The following RALGAPB variants were observed in gnomAD, a reference collection of about 807,000 sequenced individuals.
RALGAPB encodes the protein Ral GTPase activating protein non-catalytic subunit beta, also known as ral GTPase-activating protein subunit beta.
A neutral mutation model predicts 161.1 loss-of-function variants in RALGAPB; 25 were observed. The observed-to-expected ratio is 0.16, with a 90% CI of 0.11 to 0.22. The LOEUF is 0.22. Ranked by LOEUF, RALGAPB falls within the 10% of genes least tolerant of loss-of-function variation. RALGAPB has a pLI of 1.00. For synonymous variants in RALGAPB, 629 were observed against 626.1 expected (o/e 1.00, Z -0.07); for missense variants, 1,391 against 1,815.2 (o/e 0.77, Z 4.25).
chr20:38,567,118 C>T lies in RALGAPB; in HGVS notation c.3840C>T (p.Ile1280=), dbSNP rs553284807. 1 of 1,613,372 alleles carries T rather than the reference C, an allele frequency of 6.2e-7. No homozygotes were observed. Among genetic ancestry groups the T allele is most frequent in the Middle Eastern group, 1.7e-4 (1 of 6,052 alleles). Residue 1280 remains isoleucine, a synonymous_variant, in exon 26 of 30, where the codon ATC becomes ATT. Coordinates refer to ENST00000262879, the MANE Select transcript of RALGAPB (RefSeq NM_020336.4). Reference sequence around the variant, plus strand: ...TAGCTGATTCATTGGAAAGTAACATCTCGGACCAAGATAGTGATTCAAATA... The same window carrying T: ...TAGCTGATTCATTGGAAAGTAACATTTCGGACCAAGATAGTGATTCAAATA... ...ESLTDSLESN[I]SDQDSDSNMD...
chr20:38,517,845 G>T lies in RALGAPB; in HGVS notation c.1262G>T (p.Ser421Ile), dbSNP rs1173749872. Residue 421 changes from serine (S) to isoleucine (I), a missense_variant, in exon 9 of 30, where the codon AGT becomes ATT. Coordinates refer to ENST00000262879, the MANE Select transcript of RALGAPB (RefSeq NM_020336.4). ...ACGTCCTCCACCTCTCCTCTGTCAAGTCCAAATCAGACTAGTTCAGAACCC... is the reference window on the plus strand; with the variant it reads ...ACGTCCTCCACCTCTCCTCTGTCAATTCCAAATCAGACTAGTTCAGAACCC... ...HQTSSTSPLS[S>I]PNQTSSEPRP... The T allele has an allele frequency of 6.2e-7, 1 of 1,613,996 alleles. No homozygotes were observed. The highest frequency in any genetic ancestry group is 8.5e-7 in the Non-Finnish European group (1 of 1,179,942).
At position 38,521,637 on chromosome 20, in the gene RALGAPB, C is replaced by G. The variant is rs2086294235; in HGVS notation, c.1558C>G (p.Leu520Val). ...EAGRAEACGT[L>V]CRIFCSKKTG... ...AGGAAGAGCTGAGGCTTGTGGGACA[C>G]TGTGTAGGATTTTTTGTAGCAAGAA... The change falls in exon 10 of 30, where the codon CTG becomes GTG. Residue 520 changes from leucine to valine, a missense_variant. By Grantham distance (32) the Leu-to-Val change is conservative. This residue lies in a region of RALGAPB where 946 missense variants were observed against 1,257.2 expected (regional missense o/e 0.75). Transcript: ENST00000262879. The G allele has an allele frequency of 1.7e-5, 27 of 1,614,164 alleles. No individual in the cohort carries two copies. The East Asian group carries it at 6.0e-4, about 36-fold the overall frequency.
At chr20:38,497,647 C>A in intron 4 of RALGAPB, 131 bp downstream of exon 4, 3 of 979,198 alleles carry the variant, frequency 3.1e-6, no homozygotes, top group Non-Finnish European at 4.5e-6. Flanking sequence ...GTTAACAGTT[C>A]TTAGAATGGA....
intron 6 of RALGAPB, among the ~76,000 whole-genome samples, chr20:38,510,926 A>AT (rs1468145619): frequency 8.4e-6 from 1 of 119,630 alleles, no homozygotes; most frequent in Non-Finnish European, 1.5e-5. Flanking sequence ...AAAAAAAAAA[A>AT]GAAAATCTTT....
At chr20:38,550,427 T>C (rs1056684418) in intron 20 of RALGAPB, among the ~76,000 whole-genome samples, 8 of 152,206 alleles carry the variant, frequency 5.3e-5, no homozygotes, top group Admixed American at 5.2e-4. Context: ...ATGTGATGTG[T>C]TTATCACCCA....
Position 38,525,441 on chromosome 20 carries a change from G to C in RALGAPB, c.1825G>C (p.Glu609Gln), listed in dbSNP as rs762094168. 1.2e-6 allele frequency: 2 copies of C among 1,601,382 alleles called. No individual in the cohort carries two copies. The highest frequency in any genetic ancestry group is 1.8e-5 in the Admixed American group (1 of 56,340). Residue 609 changes from glutamate (E) to glutamine (Q), a missense_variant, in exon 12 of 30, where the codon GAA becomes CAA. By Grantham distance (29) the Glu-to-Gln change is conservative. Transcript: ENST00000262879. Reference protein sequence around the residue: ...SKFKSYVNPTELRRSSINILL... With the variant: ...SKFKSYVNPTQLRRSSINILL... ...ATTCAAAAGCTATGTAAATCCAACA[G>C]AATTGCGAAGATCCTCCATTAATAT...
chr20:38,474,568 T>C (rs2084750716), intron 1 of RALGAPB, among the ~76,000 whole-genome samples: 1 of 152,194 alleles, frequency 6.6e-6, no homozygotes, highest in Non-Finnish European at 1.5e-5. Context: ...TGCGAGCCAC[T>C]GTGCCAGGCC....
At chr20:38,528,712 G>A (rs1402445957) in intron 13 of RALGAPB, among the ~76,000 whole-genome samples, 1 of 151,310 alleles carries the variant, frequency 6.6e-6, no homozygotes, top group Non-Finnish European at 1.5e-5. Flanking sequence ...ATGGAGTCTC[G>A]CTGTGTCACC....
chr20:38,533,387 A>G (rs573040354), intron 15 of RALGAPB, among the ~76,000 whole-genome samples: 73 of 152,320 alleles, frequency 4.8e-4, no homozygotes, highest in African/African-American at 1.6e-3. Flanking sequence ...CAAGCATCCT[A>G]TACAAGGTTG....
chr20:38,533,717 C>G (rs987807667), intron 15 of RALGAPB, among the ~76,000 whole-genome samples: 4 of 152,160 alleles, frequency 2.6e-5, no homozygotes, highest in Non-Finnish European at 5.9e-5. Flanking sequence ...GGATATTTGA[C>G]ACATTTAAAT....
chr20:38,540,796 GTTGAA>G (rs1325097935), intron 17 of RALGAPB, among the ~76,000 whole-genome samples: 1 of 152,116 alleles, frequency 6.6e-6, no homozygotes, highest in East Asian at 1.9e-4. Context: ...TCACAAGAAA[GTTGAA>G]TTGAATTTAT....
chr20:38,504,805 G>A (rs983620088), intron 5 of RALGAPB, among the ~76,000 whole-genome samples: 2 of 152,078 alleles, frequency 1.3e-5, no homozygotes, highest in Admixed American at 1.3e-4. Flanking sequence ...CATATAAGTG[G>A]CCAAGAAACA....
At chr20:38,539,372 G>A (rs1391468778) in intron 16 of RALGAPB, among the ~76,000 whole-genome samples, 1 of 152,152 alleles carries the variant, frequency 6.6e-6, no homozygotes, top group Non-Finnish European at 1.5e-5. Context: ...TTGTATACTT[G>A]AAATATTGGG....
intron 14 of RALGAPB, among the ~76,000 whole-genome samples, chr20:38,532,168 G>T (rs1295848005): frequency 2.6e-5 from 4 of 152,142 alleles, no homozygotes. Flanking sequence ...CCATTCTTCT[G>T]CCTCAGCCTC....
intron 20 of RALGAPB, among the ~76,000 whole-genome samples, chr20:38,549,667 TTATGTG>T: frequency 6.6e-6 from 1 of 151,956 alleles, no homozygotes; most frequent in Non-Finnish European, 1.5e-5. Context: ...ACATTTGTAA[TTATGTG>T]AATAATACTT....
Position 38,558,324 on chromosome 20 carries a change from C to T in RALGAPB, c.3402C>T (p.His1134=). 1.3e-6 allele frequency: 2 copies of T among 1,593,546 alleles called. No individual in the cohort carries two copies. The highest frequency in any genetic ancestry group is 8.6e-7 in the Non-Finnish European group (1 of 1,168,712). ...KEPANSRLPP[H]LIALDSTIPG... ...CTGCAAATAGTCGTCTACCTCCTCA[C>T]CTTATTGCACTTGATTCCACGATAC... is the stretch of plus-strand genomic sequence containing the variant. Residue 1134 remains histidine (H), a synonymous_variant, in exon 23 of 30, where the codon CAC becomes CAT. Coordinates refer to ENST00000262879, the MANE Select transcript of RALGAPB (RefSeq NM_020336.4).
At chr20:38,529,526 A>T (rs1426951633) in intron 13 of RALGAPB, among the ~76,000 whole-genome samples, 5 of 151,534 alleles carry the variant, frequency 3.3e-5, no homozygotes, top group Non-Finnish European at 5.9e-5. Context: ...TCAAAAAAAA[A>T]AAATAAAATA....
At chr20:38,523,644 T>C (rs1305279050) in intron 10 of RALGAPB, among the ~76,000 whole-genome samples, 2 of 152,116 alleles carry the variant, frequency 1.3e-5, no homozygotes, top group African/African-American at 4.8e-5. Context: ...CCAGTAAGCT[T>C]TTGGGTAATA....
At chr20:38,477,713 T>C (rs116476991) in intron 1 of RALGAPB, among the ~76,000 whole-genome samples, 3,863 of 152,290 alleles carry the variant, frequency 0.025, 161 homozygotes, top group African/African-American at 0.089. Context: ...GTACCTTCCA[T>C]TGGTACATTT....
Sources: allele counts gnomAD v4.1 joint callset (sites outside exome capture counted in the v4.1 genomes callset), GRCh38; gene constraint gnomAD v4.1.1; regional missense constraint gnomAD v4.1.1; transcripts MANE v1.5; gene names NCBI Gene and HGNC (gene_info 2026-07-23, HGNC 2026-07-21).